Variants in QKI observed in about 807,000 individuals in gnomAD.
QKI encodes KH domain-containing RNA-binding protein QKI.
A neutral mutation model predicts 39.0 loss-of-function variants in QKI; 10 were observed. That is an observed-to-expected ratio of 0.26 (90% confidence interval 0.16 to 0.43). QKI has a LOEUF of 0.43. QKI is among the 20% of genes least tolerant of loss of function. The pLI, the probability that QKI is intolerant of heterozygous loss-of-function variation, is 1.00. For missense variants in QKI, 218 were observed against 428.0 expected, an observed-to-expected ratio of 0.51 and a Z score of 4.33; for synonymous variants, 204 against 155.4, an observed-to-expected ratio of 1.31 and a Z score of -2.33.
chr6:163,443,463 G>C (rs760230119), intron 1 of QKI, among the ~76,000 whole-genome samples: 5 of 152,220 alleles, frequency 3.3e-5, no homozygotes, highest in Non-Finnish European at 7.3e-5. Context: ...AGCTACTTGG[G>C]AGACTGAGGC....
chr6:163,460,225 A>G (rs1306459576), intron 2 of QKI, among the ~76,000 whole-genome samples: 1 of 152,200 alleles, frequency 6.6e-6, no homozygotes, highest in African/African-American at 2.4e-5. Context: ...TGTGAATATA[A>G]TTCTGATTTT....
At chr6:163,497,758 A>G (rs1424889077) in intron 3 of QKI, among the ~76,000 whole-genome samples, 3 of 151,640 alleles carry the variant, frequency 2.0e-5, no homozygotes, top group African/African-American at 7.2e-5. Flanking sequence ...TGATTTGCCT[A>G]GGATAGTTTT....
chr6:163,433,488 CG>C (rs929174136), intron 1 of QKI, among the ~76,000 whole-genome samples: 2 of 152,104 alleles, frequency 1.3e-5, no homozygotes, highest in African/African-American at 4.8e-5. Context: ...AACCACAGGC[CG>C]GGCACGGTGG....
At chr6:163,511,203 A>G (rs1779451093) in intron 3 of QKI, among the ~76,000 whole-genome samples, 1 of 152,158 alleles carries the variant, frequency 6.6e-6, no homozygotes, top group African/African-American at 2.4e-5. Context: ...GTGGAAATGC[A>G]AGATAACAAT....
At chr6:163,499,829 G>T (rs1778637878) in intron 3 of QKI, among the ~76,000 whole-genome samples, 1 of 152,122 alleles carries the variant, frequency 6.6e-6, no homozygotes, top group Non-Finnish European at 1.5e-5. Flanking sequence ...CTCTCATGGA[G>T]CATAATTTAG....
chr6:163,537,717 C>A (rs1203094984), intron 4 of QKI, among the ~76,000 whole-genome samples: 1 of 152,280 alleles, frequency 6.6e-6, no homozygotes, highest in South Asian at 2.1e-4. Context: ...CAAGTTCAGT[C>A]AGGTTACTTC....
intron 3 of QKI, among the ~76,000 whole-genome samples, chr6:163,492,714 A>G (rs924591894): frequency 1.3e-5 from 2 of 152,126 alleles, no homozygotes; most frequent in Non-Finnish European, 2.9e-5. Flanking sequence ...AACTAATAAG[A>G]TTAATGTTTG....
chr6:163,429,075 G>C (rs947969025), intron 1 of QKI: 2 of 152,292 alleles, frequency 1.3e-5, no homozygotes, highest in African/African-American at 4.8e-5. Context: ...AGATAGCGTA[G>C]CACATTGTCT....
chr6:163,441,315 ATTACT>A (rs1789748198), intron 1 of QKI, among the ~76,000 whole-genome samples: 1 of 152,204 alleles, frequency 6.6e-6, no homozygotes, highest in Admixed American at 6.5e-5. Flanking sequence ...GTGCATTTAT[ATTACT>A]TTAAAGGGAA....
At chr6:163,460,187 A>C (rs1188558336) in intron 2 of QKI, among the ~76,000 whole-genome samples, 2 of 152,184 alleles carry the variant, frequency 1.3e-5, no homozygotes, top group Non-Finnish European at 2.9e-5. Flanking sequence ...ATGATGATTA[A>C]ATTGTAGTGA....
intron 1 of QKI, among the ~76,000 whole-genome samples, chr6:163,431,389 A>G (rs1262188772): frequency 2.0e-5 from 3 of 152,204 alleles, no homozygotes; most frequent in African/African-American, 7.2e-5. Context: ...CTAAATAAAA[A>G]AAATTAACAT....
At chr6:163,467,717 T>G (rs1791871744) in intron 2 of QKI, among the ~76,000 whole-genome samples, 1 of 152,182 alleles carries the variant, frequency 6.6e-6, no homozygotes, top group Non-Finnish European at 1.5e-5. Flanking sequence ...TAAGAATTAA[T>G]ATGAAGGTAA....
At chr6:163,561,148 A>AT (rs1487143497) in intron 4 of QKI, among the ~76,000 whole-genome samples, 1 of 152,164 alleles carries the variant, frequency 6.6e-6, no homozygotes, top group Non-Finnish European at 1.5e-5. Context: ...AGAAGTTATT[A>AT]TTTCACTGAG....
In QKI at chr6:163,504,808, T is replaced by C. The variant is rs141758031; in HGVS notation, c.402+25912T>C. ...TGTTAGCAAAGAGAGATAGTTTGAC[T>C]TCTTTTGCTATTTGGATGCTTTTTC... On this transcript the variant is annotated intron_variant, in intron 3 of 7. Coordinates refer to ENST00000361752, the MANE Select transcript of QKI (RefSeq NM_006775.3). 4.6e-3 allele frequency among the ~76,000 whole-genome samples: 706 copies of C among 152,326 alleles called. 9 individuals are homozygous for C. The highest frequency in any genetic ancestry group is 0.016 in the African/African-American group (672 of 41,572).
intron 3 of QKI, among the ~76,000 whole-genome samples, chr6:163,483,866 T>G (rs2128226719): frequency 6.6e-6 from 1 of 152,350 alleles, no homozygotes; most frequent in East Asian, 1.9e-4. Context: ...TTGCCCAGAT[T>G]TATCAGAGGA....
intron 7 of QKI, 71 bp from the exon 8 acceptor site, chr6:163,570,623 T>G (rs953925834): frequency 8.2e-6 from 13 of 1,592,952 alleles, no homozygotes; most frequent in Non-Finnish European, 1.0e-5. Context: ...CGTCACTAGC[T>G]GAAACTAATC....
chr6:163,534,937 C>T (rs1253216211), intron 3 of QKI, 45 bp from the exon 4 acceptor site: 8 of 1,477,448 alleles, frequency 5.4e-6, no homozygotes, highest in Non-Finnish European at 7.3e-6. Context: ...TGTGCTCTCT[C>T]TTTAAAGAGA....
At position 163,454,007 on chromosome 6, in the gene QKI, A is replaced by G. The variant is rs181666664; in HGVS notation, c.143-1272A>G. ...GTGCCTTCATATTTGATAGTTCCTA[A>G]GGAACTATCAATAAATTGAACTTCC... On this transcript the variant is annotated intron_variant, in intron 1 of 7. Transcript: ENST00000361752. Among the ~76,000 whole-genome samples the G allele has an allele frequency of 3.5e-3, 532 of 152,310 alleles. 1 individual carries two copies. Among genetic ancestry groups the G allele is most frequent in the Non-Finnish European group, 5.1e-3 (350 of 68,008 alleles).
chr6:163,444,237 CAAAG>C (rs1789977736), intron 1 of QKI, among the ~76,000 whole-genome samples: 1 of 152,068 alleles, frequency 6.6e-6, no homozygotes, highest in East Asian at 1.9e-4. Context: ...TGTAAGAAGA[CAAAG>C]AGATGCATTT....
Sources: gnomAD v4.1 joint callset for allele counts (sites outside exome capture counted in the v4.1 genomes callset) on GRCh38, gnomAD v4.1.1 for gene constraint, MANE v1.5 for transcripts, NCBI Gene and HGNC (gene_info 2026-07-23, HGNC 2026-07-21) for gene names.